The following LPO variants were observed in gnomAD, a reference collection of about 807,000 sequenced individuals.
LPO encodes salivary peroxidase.
A neutral mutation model predicts 68.4 loss-of-function variants in LPO; 70 were observed. That is an observed-to-expected ratio of 1.02 (90% CI 0.84 to 1.25). LPO has a LOEUF of 1.25. Ranked by LOEUF, LPO falls within the 50% of genes most tolerant of loss-of-function variation. The probability of loss-of-function intolerance (pLI) is 0.00; values close to 1 mark genes in which losing one functional copy is unlikely to be tolerated. For synonymous variants in LPO, 360 were observed against 357.6 expected (o/e 1.01, Z -0.08); for missense variants, 873 against 908.4 (o/e 0.96, Z 0.50).
At position 58,268,300 on chromosome 17, in the gene LPO, T is replaced by C; in HGVS notation, c.*306T>C. On this transcript the variant is annotated 3_prime_UTR_variant, in exon 13 of 13. Coordinates refer to ENST00000262290, the MANE Select transcript of LPO (RefSeq NM_006151.3). ...TCCACAAGTCTTGGCCCTTAACCTT[T>C]ATCTTTCTTCCTGTCCTCTCACCTA... 2.6e-6 allele frequency: 1 copy of C among 381,264 alleles called. No individual in the cohort carries two copies. The allele number at this position is 381,264 out of a possible 1,614,324, so 23.6% of individuals were successfully genotyped here. A position where few individuals can be genotyped will look rare whatever the true frequency, so the allele number is the denominator to read the frequency against.
chr17:58,251,865 A>G (rs1168553097), intron 7 of LPO: 1 of 622,758 alleles, frequency 1.6e-6, no homozygotes, highest in Non-Finnish European at 3.1e-6. Context: ...AATTATTAAC[A>G]AACCTGTTCC....
At chr17:58,263,987 G>T (rs779625414) in intron 9 of LPO, among the ~76,000 whole-genome samples, 20 of 152,088 alleles carry the variant, frequency 1.3e-4, no homozygotes, top group Non-Finnish European at 2.2e-4. Context: ...AGGGGAACAG[G>T]AACCACTGCA....
intron 2 of LPO, chr17:58,243,470 G>A (rs1969795775): frequency 9.2e-6 from 2 of 218,294 alleles, no homozygotes; most frequent in African/African-American, 2.3e-5. Context: ...CCATGCAGAT[G>A]TGAATTTTGG....
chr17:58,259,296 A>T (rs1425455375), intron 9 of LPO, among the ~76,000 whole-genome samples: 1 of 151,918 alleles, frequency 6.6e-6, no homozygotes. Context: ...GCTTTTTTAA[A>T]TTTTTTCTGG....
rs1422600357 is a variant in LPO at position 58,243,308 on chromosome 17, C to T, written c.76+253C>T. 6 of 460,244 alleles carry T rather than the reference C, an allele frequency of 1.3e-5. No individual in the cohort carries two copies. The Middle Eastern group carries it at 1.8e-3, about 140-fold the overall frequency. 28.5% of individuals were successfully genotyped at this position (460,244 alleles called of 1,614,324 possible). On this transcript the variant is annotated intron_variant, in intron 2 of 12. Coordinates refer to ENST00000262290, the MANE Select transcript of LPO (RefSeq NM_006151.3). ...GCAACACTCCAATCTCTGCCTCAGT[C>T]TTTGCGTGGCCTTTTTCACTGGGTG...
At chr17:58,256,990 CTTTTTTTTTT>C (rs1040765289) in intron 9 of LPO, among the ~76,000 whole-genome samples, 17 of 75,040 alleles carry the variant, frequency 2.3e-4, no homozygotes, top group Admixed American at 2.1e-3. Context: ...AGGTCTTACT[CTTTTTTTTTT>C]TTTTTTTTTT....
intron 9 of LPO, among the ~76,000 whole-genome samples, chr17:58,258,772 A>G (rs1435518507): frequency 6.6e-6 from 1 of 152,190 alleles, no homozygotes; most frequent in East Asian, 1.9e-4. Context: ...CCTTTCTGAT[A>G]GGTGTGTAGT....
Position 58,249,550 on chromosome 17 carries a change from A to T in LPO, c.444-16A>T, listed in dbSNP as rs1969917192. Reference sequence around the variant, plus strand: ...GCCGGCCTGCCGAAGCTCAGCGAGGATCGTGCTGGTTTCAGGAGGAAGCCT... The same window carrying T: ...GCCGGCCTGCCGAAGCTCAGCGAGGTTCGTGCTGGTTTCAGGAGGAAGCCT... On this transcript the variant is annotated splice_polypyrimidine_tract_variant and intron_variant, in intron 5 of 12. Coordinates refer to ENST00000262290, the MANE Select transcript of LPO (RefSeq NM_006151.3). 1 of 1,602,172 alleles carries T rather than the reference A, an allele frequency of 6.2e-7. No individual in the cohort carries two copies. The highest frequency in any genetic ancestry group is 1.3e-5 in the African/African-American group (1 of 74,582).
At chr17:58,250,034 G>T (rs918825934) in intron 6 of LPO, among the ~76,000 whole-genome samples, 1 of 152,120 alleles carries the variant, frequency 6.6e-6, no homozygotes, top group Non-Finnish European at 1.5e-5. Flanking sequence ...GCCTTATCGA[G>T]CTGGCAGCCC....
intron 9 of LPO, among the ~76,000 whole-genome samples, chr17:58,258,491 A>G (rs1970113017): frequency 6.6e-6 from 1 of 152,096 alleles, no homozygotes; most frequent in Admixed American, 6.6e-5. Flanking sequence ...ATTCTGTTAC[A>G]TTGGTCTTTG....
At chr17:58,252,146 C>T (rs2143911047) in intron 7 of LPO, 36 bp from the exon 8 acceptor site, 3 of 1,597,444 alleles carry the variant, frequency 1.9e-6, no homozygotes, top group Non-Finnish European at 2.6e-6. Context: ...AGCTGTTCCA[C>T]CCCTGCCCAG....
chr17:58,245,055 G>A (rs1037493637), intron 3 of LPO, among the ~76,000 whole-genome samples: 3 of 152,188 alleles, frequency 2.0e-5, no homozygotes, highest in East Asian at 1.9e-4. Flanking sequence ...CTTTCAAGCC[G>A]TCAGATAACT....
Position 58,256,890 on chromosome 17 carries a change from C to T in LPO, c.1266+1919C>T, listed in dbSNP as rs1302736060. Among the ~76,000 whole-genome samples, 23 of 146,648 alleles carry T rather than the reference C, an allele frequency of 1.6e-4. No individual in the cohort carries two copies. In the Admixed American group the frequency reaches 1.6e-3, roughly 10 times the overall value. On this transcript the variant is annotated intron_variant, in intron 9 of 12. Transcript: ENST00000262290. Reference sequence around the variant, plus strand: ...AAGCATTTATACATTGAGTTGCAAACAATCCAGTTACACTCTTAAGTTATT... The same window carrying T: ...AAGCATTTATACATTGAGTTGCAAATAATCCAGTTACACTCTTAAGTTATT...
rs774460050 is a variant in LPO at position 58,252,487 on chromosome 17, T to A, written c.1086T>A (p.Arg362=). ...SPCEFINTTA[R]VPCFLAGDSR... is the part of the protein sequence containing the mutation. ...GTGAGTTCATCAACACCACTGCCCG[T>A]GTGCCCTGCTTCCTGGCAGGTGAGT... The change falls in exon 8 of 13, where the codon CGT becomes CGA. Residue 362 remains arginine, a synonymous_variant. Coordinates refer to ENST00000262290, the MANE Select transcript of LPO (RefSeq NM_006151.3). 1.2e-6 allele frequency: 2 copies of A among 1,612,024 alleles called. No homozygotes were observed. Among genetic ancestry groups the A allele is most frequent in the South Asian group, 2.2e-5 (2 of 91,060 alleles).
In LPO at chr17:58,250,477, C is replaced by T. The variant is rs758223851; in HGVS notation, c.636C>T (p.Asn212=). 4 of 1,614,186 alleles carry T rather than the reference C, an allele frequency of 2.5e-6. No homozygotes were observed. The highest frequency in any genetic ancestry group is 3.3e-5 in the Admixed American group (2 of 60,028). The change falls in exon 7 of 13, where the codon AAC becomes AAT. Residue 212 remains asparagine (N), a synonymous_variant. Coordinates refer to ENST00000262290, the MANE Select transcript of LPO (RefSeq NM_006151.3). ...ATGAGGAGGGTGTTCTGGACCAAAACAGGTCCCTGCTCTTCATGCAGTGGG... is the reference window on the plus strand; with the variant it reads ...ATGAGGAGGGTGTTCTGGACCAAAATAGGTCCCTGCTCTTCATGCAGTGGG... ...YLNEEGVLDQ[N]RSLLFMQWGQ... is the part of the protein sequence containing the mutation.
At chr17:58,262,660 T>A (rs907180647) in intron 9 of LPO, among the ~76,000 whole-genome samples, 5 of 152,266 alleles carry the variant, frequency 3.3e-5, no homozygotes, top group Non-Finnish European at 7.3e-5. Context: ...CCCAAAGTGC[T>A]GGGATTGCAG....
chr17:58,240,511 C>G (rs1355808792), intron 1 of LPO, among the ~76,000 whole-genome samples: 1 of 152,180 alleles, frequency 6.6e-6, no homozygotes, highest in Non-Finnish European at 1.5e-5. Context: ...CTGCACACCC[C>G]CTTTTCAGTG....
intron 3 of LPO, among the ~76,000 whole-genome samples, chr17:58,245,569 G>A (rs8178302): frequency 0.028 from 4,215 of 152,168 alleles, 201 homozygotes; most frequent in African/African-American, 0.096. Context: ...TAGCAGCTTC[G>A]CCCTACTGTT....
chr17:58,251,763 G>A, intron 7 of LPO: 1 of 472,362 alleles, frequency 2.1e-6, no homozygotes. Context: ...CACCTTACAG[G>A]GTTTTTTTGA....
Sources: allele counts gnomAD v4.1 joint callset (sites outside exome capture counted in the v4.1 genomes callset), GRCh38; gene constraint gnomAD v4.1.1; transcripts MANE v1.5; gene names NCBI Gene and HGNC (gene_info 2026-07-23, HGNC 2026-07-21).